SVEP1: variants seen among roughly 807,000 people sequenced by gnomAD.
SVEP1 encodes sushi, von Willebrand factor type A, EGF and pentraxin domain-containing protein 1.
SVEP1 carries 164 observed loss-of-function variants against 367.3 expected under a neutral mutation model. That is an observed-to-expected ratio of 0.45 (90% confidence interval 0.39 to 0.51). The LOEUF (loss-of-function observed/expected upper bound fraction) is 0.51, where lower values mean the gene tolerates loss of function less well. Among genes scored for constraint, SVEP1 ranks in the 20% least tolerant of loss-of-function variants. The pLI is 0.00. For synonymous variants in SVEP1, 1,666 were observed against 1,611.6 expected (o/e 1.03, Z -0.81); for missense variants, 4,117 against 4,425.3 (o/e 0.93, Z 1.98).
At chr9:110,378,154 AT>A (rs1168360283) in intron 44 of SVEP1, among the ~76,000 whole-genome samples, 4 of 151,014 alleles carry the variant, frequency 2.6e-5, no homozygotes, top group Admixed American at 2.6e-4. Context: ...ATCAACATAC[AT>A]TTTTTTATCC....
chr9:110,436,469 T>C lies in SVEP1; in HGVS notation c.4675A>G (p.Lys1559Glu), dbSNP rs1828431786. The change falls in exon 28 of 48, where the codon AAA (lysine) becomes GAA (glutamate). Residue 1559 changes from lysine (K) to glutamate (E), a missense_variant. This residue lies in a region of SVEP1 where 2,174 missense variants were observed against 2,494.3 expected (regional missense o/e 0.87). Coordinates refer to ENST00000374469, the MANE Select transcript of SVEP1 (RefSeq NM_153366.4). ...GCTGGGCTGAATCCCTCTCCTTTTTTGTCTTGCTCTTGCCCCAGAACTAAC... is the reference window on the plus strand; with the variant it reads ...GCTGGGCTGAATCCCTCTCCTTTTTCGTCTTGCTCTTGCCCCAGAACTAAC... ...GALVLGQEQD[K>E]KGEGFSPAES... is the part of the protein sequence containing the mutation. 6.2e-7 allele frequency: 1 copy of C among 1,613,966 alleles called. No homozygotes were observed. Among genetic ancestry groups the C allele is most frequent in the South Asian group, 1.1e-5 (1 of 91,078 alleles).
intron 40 of SVEP1, among the ~76,000 whole-genome samples, chr9:110,390,048 T>C (rs954253179): frequency 8.5e-6 from 1 of 117,638 alleles, no homozygotes; most frequent in East Asian, 4.3e-4. Flanking sequence ...TAAGTATATA[T>C]ACACGTATAT....
In SVEP1 at chr9:110,517,597, C is replaced by CAAAA. The variant is rs10656763; in HGVS notation, c.965-3495_965-3492dup. Among the ~76,000 whole-genome samples, 583 of 125,774 alleles carry CAAAA rather than the reference C, an allele frequency of 4.6e-3. 4 individuals are homozygous for CAAAA. Among genetic ancestry groups the CAAAA allele is most frequent in the African/African-American group, 0.016 (535 of 33,218 alleles). The allele number at this position is 125,774 out of a possible 152,430, so 82.5% of individuals were successfully genotyped here. A position where few individuals can be genotyped will look rare whatever the true frequency, so the allele number is the denominator to read the frequency against. On this transcript the variant is annotated intron_variant, in intron 3 of 47. Coordinates refer to ENST00000374469, the MANE Select transcript of SVEP1 (RefSeq NM_153366.4). ...TGGGTGGCTGAGCAAGACGCTATCTCAAAAAAAAAAAAAAAAATGTAAAAA... is the reference window on the plus strand; with the variant it reads ...TGGGTGGCTGAGCAAGACGCTATCTCAAAAAAAAAAAAAAAAAAAAATGTAAAAA...
intron 5 of SVEP1, among the ~76,000 whole-genome samples, chr9:110,507,022 G>T (rs72748887): frequency 0.012 from 1,829 of 152,210 alleles, 11 homozygotes; most frequent in Non-Finnish European, 0.02. Flanking sequence ...TTCCATTCAC[G>T]AACAGAGATT....
intron 1 of SVEP1, among the ~76,000 whole-genome samples, chr9:110,561,170 T>C (rs1215605182): frequency 6.6e-6 from 1 of 152,156 alleles, no homozygotes; most frequent in Non-Finnish European, 1.5e-5. Flanking sequence ...ACACCATGCG[T>C]TCTTGATGTT....
intron 5 of SVEP1, among the ~76,000 whole-genome samples, chr9:110,504,179 C>T (rs1017059983): frequency 6.6e-6 from 1 of 151,654 alleles, no homozygotes; most frequent in African/African-American, 2.4e-5. Flanking sequence ...CTCAGCCTCC[C>T]GAGTAGCTGG....
chr9:110,566,397 A>G (rs1452895393), intron 1 of SVEP1, among the ~76,000 whole-genome samples: 1 of 152,004 alleles, frequency 6.6e-6, no homozygotes, highest in African/African-American at 2.4e-5. Flanking sequence ...AAAGCTTGCT[A>G]TTGTGAAGAT....
chr9:110,444,449 A>C (rs1336725979), intron 26 of SVEP1, among the ~76,000 whole-genome samples: 1 of 152,222 alleles, frequency 6.6e-6, no homozygotes, highest in Non-Finnish European at 1.5e-5. Flanking sequence ...CAAGCCACCA[A>C]GTCTATGCTA....
chr9:110,386,728 T>C (rs16914982), intron 42 of SVEP1, among the ~76,000 whole-genome samples: 28,077 of 152,226 alleles, frequency 0.18, 2,701 homozygotes, highest in Admixed American at 0.21. Flanking sequence ...TTTCAAGCAA[T>C]TTCAGATTTT....
At chr9:110,447,336 T>C (rs1230189739) in intron 24 of SVEP1, among the ~76,000 whole-genome samples, 1 of 152,234 alleles carries the variant, frequency 6.6e-6, no homozygotes, top group Non-Finnish European at 1.5e-5. Context: ...TCATAGGAGT[T>C]CTCAGAAAAA....
At chr9:110,499,749 A>G (rs1829503927) in intron 6 of SVEP1, among the ~76,000 whole-genome samples, 1 of 152,240 alleles carries the variant, frequency 6.6e-6, no homozygotes, top group East Asian at 1.9e-4. Context: ...ACAGAAAAAG[A>G]ATAGCAGATG....
At position 110,572,958 on chromosome 9, in the gene SVEP1, A is replaced by G. The variant is rs182099211; in HGVS notation, c.531+6055T>C. On this transcript the variant is annotated intron_variant, in intron 1 of 47. Transcript: ENST00000374469. ...ACTTCTAAAGTTCTGATAAGGTTGA[A>G]AAAGAGATTCCTATATAATACTAGG... Among the ~76,000 whole-genome samples the G allele has an allele frequency of 2.6e-5, 4 of 152,226 alleles. No homozygotes were observed. The East Asian group carries it at 7.7e-4, about 29-fold the overall frequency.
At chr9:110,533,012 C>G (rs1287286115) in intron 3 of SVEP1, among the ~76,000 whole-genome samples, 1 of 152,132 alleles carries the variant, frequency 6.6e-6, no homozygotes, top group South Asian at 2.1e-4. Flanking sequence ...GCATTAGATT[C>G]TCATAAGCAG....
chr9:110,539,688 A>G (rs1371292278), intron 3 of SVEP1, among the ~76,000 whole-genome samples: 1 of 151,430 alleles, frequency 6.6e-6, no homozygotes, highest in Non-Finnish European at 1.5e-5. Flanking sequence ...ATATATGTAT[A>G]TTTAAATAAG....
rs2118947783 is a variant in SVEP1, at chr9:110,377,385, G to T, written c.10409-19C>A. On this transcript the variant is annotated intron_variant, in intron 44 of 47. Transcript: ENST00000374469. The stretch of plus-strand genomic sequence containing the variant: ...CAGACAGCTGGAAAAGAAGCAGGAT[G>T]GGTCACAAATGTAGGGAATTATGAA... 1.2e-6 allele frequency: 2 copies of T among 1,609,832 alleles called. No individual in the cohort carries two copies. The highest frequency in any genetic ancestry group is 1.7e-6 in the Non-Finnish European group (2 of 1,176,284).
chr9:110,453,178 T>A (rs2118619097), intron 22 of SVEP1, among the ~76,000 whole-genome samples: 1 of 152,220 alleles, frequency 6.6e-6, no homozygotes, highest in African/African-American at 2.4e-5. Flanking sequence ...TACCCACACA[T>A]ATTAAAATAT....
chr9:110,477,722 C>T (rs1275165858), intron 13 of SVEP1, among the ~76,000 whole-genome samples: 2 of 152,106 alleles, frequency 1.3e-5, no homozygotes, highest in East Asian at 1.9e-4. Flanking sequence ...CCACAATCTA[C>T]TTCCAATGTA....
At position 110,386,042 on chromosome 9, in the gene SVEP1, C is replaced by T. The variant is rs1478149344; in HGVS notation, c.10093G>A (p.Glu3365Lys). The T allele has an allele frequency of 6.2e-6, 10 of 1,613,310 alleles. No individual in the cohort carries two copies. The East Asian group carries it at 6.7e-5, about 11-fold the overall frequency. ...TCCTTTTCAGACAGCAGAGCATTCT[C>T]GGGAATCACAAAAGGAACAGGGCAT... ...NPCPVPFVIP[E>K]NALLSEKEFY... is the part of the protein sequence containing the mutation. Residue 3365 changes from glutamate (E) to lysine (K), a missense_variant, in exon 43 of 48, where the codon GAG (glutamate) becomes AAG (lysine). By Grantham distance (56) the Glu-to-Lys change is moderately conservative. Transcript: ENST00000374469.
rs760176990 is a variant in SVEP1 at position 110,579,544 on chromosome 9, C to A, written c.-1G>T. On this transcript the variant is annotated 5_prime_UTR_variant, in exon 1 of 48. Transcript: ENST00000374469. This position sits in a 1 kb window ranked among gnomAD's most constrained non-coding sequence, Gnocchi z 5.3. ...AACAAAAGGCCAGGCGAGGCCACAT[C>A]GCGCTGGAGACAGAGCGGCTGCCCC... 4.4e-6 allele frequency: 7 copies of A among 1,592,348 alleles called. No homozygotes were observed. The highest frequency in any genetic ancestry group is 1.7e-4 in the Middle Eastern group (1 of 5,952).
Sources: gnomAD v4.1 joint callset for allele counts (sites outside exome capture counted in the v4.1 genomes callset) on GRCh38, gnomAD v4.1.1 for gene constraint, gnomAD v4.1.1 regional missense constraint, Gnocchi (gnomAD v3.1) non-coding constraint, MANE v1.5 for transcripts, NCBI Gene and HGNC (gene_info 2026-07-23, HGNC 2026-07-21) for gene names.